LGMN: variants seen among roughly 807,000 people sequenced by gnomAD.
LGMN encodes legumain.
In LGMN, 36 loss-of-function variants were observed where a neutral mutation model predicts 56.8. The ratio of observed to expected loss-of-function variants is 0.63; its 90% confidence interval spans 0.49 to 0.84. LGMN has a LOEUF of 0.84. Ranked by LOEUF, LGMN falls within the 40% of genes least tolerant of loss-of-function variation. The pLI, the probability that LGMN is intolerant of heterozygous loss-of-function variation, is 0.00. For synonymous variants in LGMN, 199 were observed against 210.1 expected (o/e 0.95, Z 0.46); for missense variants, 446 against 556.1 (o/e 0.80, Z 1.99).
At chr14:92,717,324 A>AATC in intron 4 of LGMN, 56 bp downstream of exon 4, 1 of 1,079,840 alleles carries the variant, frequency 9.3e-7, no homozygotes, top group East Asian at 2.4e-5. Flanking sequence ...AAGAGGGAAA[A>AATC]ATCATCACTA....
At chr14:92,718,561 A>C (rs1286269096) in intron 3 of LGMN, among the ~76,000 whole-genome samples, 186 bp downstream of exon 3, 1 of 151,928 alleles carries the variant, frequency 6.6e-6, no homozygotes, top group African/African-American at 2.4e-5. Context: ...GCAACAGAGC[A>C]AGACTGTCTC....
At chr14:92,712,957 C>T in intron 7 of LGMN, 86 bp from the exon 8 acceptor site, 2 of 1,231,310 alleles carry the variant, frequency 1.6e-6, no homozygotes, top group Non-Finnish European at 1.2e-6. Context: ...ACTCTCTCTA[C>T]CCATTCCTAA....
At chr14:92,739,395 G>C (rs1205243910) in intron 1 of LGMN, among the ~76,000 whole-genome samples, 1 of 152,044 alleles carries the variant, frequency 6.6e-6, no homozygotes, top group Admixed American at 6.6e-5. Flanking sequence ...TCTCACAGAG[G>C]CATCATCATC....
intron 2 of LGMN, among the ~76,000 whole-genome samples, chr14:92,720,572 T>A (rs12589367): frequency 6.6e-6 from 1 of 152,026 alleles, no homozygotes; most frequent in Non-Finnish European, 1.5e-5. Flanking sequence ...GAGGCTGAGG[T>A]GGGAGAATCT....
chr14:92,731,040 T>C (rs890231236), intron 2 of LGMN, among the ~76,000 whole-genome samples: 5 of 152,198 alleles, frequency 3.3e-5, no homozygotes, highest in African/African-American at 1.2e-4. Context: ...CCAGAGCCAG[T>C]TGGCCTGGGT....
rs55843490 is a variant in LGMN, at chr14:92,729,127, CTTTT to C, written c.138+3518_138+3521del. On this transcript the variant is annotated intron_variant, in intron 2 of 13. Coordinates refer to ENST00000334869, the MANE Select transcript of LGMN (RefSeq NM_005606.7). Reference sequence around the variant, plus strand: ...GGCCACTTCCACCTGCTCAGCTTTTCTTTTTTTTTTTTTTTTTTTTTGTTCGTTC... The same window carrying C: ...GGCCACTTCCACCTGCTCAGCTTTTCTTTTTTTTTTTTTTTTTGTTCGTTC... Among the ~76,000 whole-genome samples, 62 of 110,106 alleles carry C rather than the reference CTTTT, an allele frequency of 5.6e-4. No individual in the cohort carries two copies. The East Asian group carries it at 0.014, about 26-fold the overall frequency. The allele number at this position is 110,106 out of a possible 152,430, so 72.2% of individuals were successfully genotyped here.
Position 92,706,607 on chromosome 14 carries a change from A to G in LGMN, c.1067T>C (p.Leu356Pro), listed in dbSNP as rs746586307. The change falls in exon 12 of 14, where the codon CTG (leucine) becomes CCG (proline). Residue 356 changes from leucine to proline, a missense_variant. Coordinates refer to ENST00000334869, the MANE Select transcript of LGMN (RefSeq NM_005606.7). Reference sequence around the variant, plus strand: ...CTCCACCTCAGCCTCGGACGCTGCCAGCAAGGAGACGATCTTACGCACTGA... The same window carrying G: ...CTCCACCTCAGCCTCGGACGCTGCCGGCAAGGAGACGATCTTACGCACTGA... ...EKSVRKIVSL[L>P]AASEAEVEQL... 3 of 1,602,082 alleles carry G rather than the reference A, an allele frequency of 1.9e-6. No individual in the cohort carries two copies. The highest frequency in any genetic ancestry group is 2.2e-5 in the East Asian group (1 of 44,700).
In LGMN at chr14:92,716,225, C is replaced by A. The variant is rs1179207907; in HGVS notation, c.319-4G>T. 1 of 1,609,410 alleles carries A rather than the reference C, an allele frequency of 6.2e-7. No individual in the cohort carries two copies. Among genetic ancestry groups the A allele is most frequent in the Non-Finnish European group, 8.5e-7 (1 of 1,175,860 alleles). ...GGAAATTTTGTGGGGTAACATCCTACAAAGAATTAGGAGCCACAATCAGAT... is the reference window on the plus strand; with the variant it reads ...GGAAATTTTGTGGGGTAACATCCTAAAAAGAATTAGGAGCCACAATCAGAT... On this transcript the variant is annotated splice_region_variant and splice_polypyrimidine_tract_variant and intron_variant, in intron 4 of 13. Coordinates refer to ENST00000334869, the MANE Select transcript of LGMN (RefSeq NM_005606.7).
chr14:92,726,575 G>A (rs545762986), intron 2 of LGMN, among the ~76,000 whole-genome samples: 15 of 152,282 alleles, frequency 9.9e-5, no homozygotes, highest in Middle Eastern at 6.8e-3. Context: ...GTGACATGGC[G>A]CCTGTCCAAC....
At chr14:92,722,304 G>A (rs1415082223) in intron 2 of LGMN, among the ~76,000 whole-genome samples, 2 of 152,126 alleles carry the variant, frequency 1.3e-5, no homozygotes, top group African/African-American at 2.4e-5. Context: ...AGGCGCAGTG[G>A]CTCACACCTG....
At position 92,714,158 on chromosome 14, in the gene LGMN, C is replaced by T. The variant is rs1319030829; in HGVS notation, c.480+218G>A. 6.6e-6 allele frequency among the ~76,000 whole-genome samples: 1 copy of T among 152,112 alleles called. No homozygotes were observed. Among genetic ancestry groups the T allele is most frequent in the Non-Finnish European group, 1.5e-5 (1 of 68,024 alleles). Reference sequence around the variant, plus strand: ...TACACCCACATCCTGAGACAGCTACCGACGCTGCGACATGAACAGAAAAGC... The same window carrying T: ...TACACCCACATCCTGAGACAGCTACTGACGCTGCGACATGAACAGAAAAGC... On this transcript the variant is annotated intron_variant, in intron 6 of 13. Transcript: ENST00000334869. The surrounding 1 kb of genome is among the most constrained non-coding windows in gnomAD (Gnocchi z 5.1).
At chr14:92,716,101 T>C (rs372035159) in intron 5 of LGMN, 35 bp downstream of exon 5, 16 of 1,424,350 alleles carry the variant, frequency 1.1e-5, no homozygotes, top group Non-Finnish European at 1.6e-5. Context: ...TCCCAAGCCA[T>C]TGAGAGAAGT....
chr14:92,712,052 A>C, intron 8 of LGMN, 97 bp from the exon 9 acceptor site: 1 of 928,504 alleles, frequency 1.1e-6, no homozygotes, highest in Non-Finnish European at 1.7e-6. Context: ...GTGAAATCGA[A>C]GCATGCTACT....
chr14:92,747,368 G>GTAA (rs1891866750), intron 1 of LGMN, among the ~76,000 whole-genome samples: 1 of 152,102 alleles, frequency 6.6e-6, no homozygotes, highest in Admixed American at 6.5e-5. Context: ...GCAGGTGCCT[G>GTAA]TAATCCCAGA....
rs766031604 is a variant in LGMN at position 92,704,231 on chromosome 14, G to A, written c.*88C>T. On this transcript the variant is annotated 3_prime_UTR_variant, in exon 14 of 14. Transcript: ENST00000334869. Reference sequence around the variant, plus strand: ...GCTCCCCAGGAGGGCCCGAGCAGCGGAGACTTCTCACTCCACCTCTCCAGT... The same window carrying A: ...GCTCCCCAGGAGGGCCCGAGCAGCGAAGACTTCTCACTCCACCTCTCCAGT... 2.5e-6 allele frequency: 4 copies of A among 1,575,870 alleles called. No homozygotes were observed. The highest frequency in any genetic ancestry group is 3.3e-5 in the Admixed American group (2 of 59,970).
chr14:92,738,553 C>T (rs936724910), intron 1 of LGMN, among the ~76,000 whole-genome samples: 5 of 150,846 alleles, frequency 3.3e-5, no homozygotes, highest in Non-Finnish European at 7.4e-5. Context: ...GCTGGGATTA[C>T]AGGCGTGAGC....
At chr14:92,737,508 C>T (rs1356375918) in intron 1 of LGMN, among the ~76,000 whole-genome samples, 1 of 152,214 alleles carries the variant, frequency 6.6e-6, no homozygotes, top group African/African-American at 2.4e-5. Flanking sequence ...TGCCAGCAGT[C>T]ACCAGCTCAA....
At chr14:92,727,322 CGA>C (rs1890788876) in intron 2 of LGMN, among the ~76,000 whole-genome samples, 2 of 149,488 alleles carry the variant, frequency 1.3e-5, no homozygotes, top group South Asian at 2.1e-4. Context: ...CCCAGCTACT[CGA>C]GAGGCTGAGG....
At chr14:92,735,901 G>A (rs1891282682) in intron 1 of LGMN, among the ~76,000 whole-genome samples, 1 of 151,952 alleles carries the variant, frequency 6.6e-6, no homozygotes, top group South Asian at 2.1e-4. Flanking sequence ...GTCTGTTCAT[G>A]TGCACCTGAG....
Sources: gnomAD v4.1 joint callset for allele counts (sites outside exome capture counted in the v4.1 genomes callset) on GRCh38, gnomAD v4.1.1 for gene constraint, Gnocchi (gnomAD v3.1) non-coding constraint, MANE v1.5 for transcripts, NCBI Gene and HGNC (gene_info 2026-07-23, HGNC 2026-07-21) for gene names.